The following CLPTM1L variants were observed in gnomAD, a reference collection of about 807,000 sequenced individuals.
CLPTM1L encodes CLPTM1 like.
Under a neutral mutation model 70.9 loss-of-function variants are expected in CLPTM1L, and 38 were observed. That is an observed-to-expected ratio of 0.54 (90% CI 0.41 to 0.70). The LOEUF is 0.70. CLPTM1L is among the 30% of genes least tolerant of loss of function. The pLI is 0.00. For synonymous variants in CLPTM1L, 339 were observed against 299.9 expected, an observed-to-expected ratio of 1.13 and a Z score of -1.35; for missense variants, 652 against 705.9, an observed-to-expected ratio of 0.92 and a Z score of 0.87.
intron 9 of CLPTM1L, chr5:1,326,104 A>C: frequency 2.7e-5 from 11 of 413,244 alleles, no homozygotes; most frequent in East Asian, 1.6e-4. Context: ...CTGCACCCAA[A>C]TAAGCCCCCA....
intron 11 of CLPTM1L, 25 bp from the exon 12 acceptor site, chr5:1,323,894 A>G: frequency 1.3e-6 from 2 of 1,571,756 alleles, no homozygotes; most frequent in South Asian, 1.1e-5. Context: ...GATGGCTTCC[A>G]GTTAGAGGCC....
At chr5:1,322,811 C>T (rs982088160) in intron 13 of CLPTM1L, 66 bp downstream of exon 13, 1 of 1,537,522 alleles carries the variant, frequency 6.5e-7, no homozygotes, top group Admixed American at 1.7e-5. Flanking sequence ...GGTTTCAATG[C>T]AAGAACAATT....
chr5:1,344,239 G>T, intron 2 of CLPTM1L, 112 bp downstream of exon 2: 1 of 759,018 alleles, frequency 1.3e-6, no homozygotes, highest in Non-Finnish European at 2.3e-6. Flanking sequence ...CAAGACATTC[G>T]GTAAGACTAG....
At chr5:1,343,916 G>A (rs1054496893) in intron 2 of CLPTM1L, among the ~76,000 whole-genome samples, 34 of 152,220 alleles carry the variant, frequency 2.2e-4, no homozygotes, top group African/African-American at 7.5e-4. Flanking sequence ...AACGTCACAT[G>A]TCACTTATTT....
Position 1,339,107 on chromosome 5 carries a change from G to A in CLPTM1L, c.454-102C>T, listed in dbSNP as rs534917673. 34 of 1,354,630 alleles carry A rather than the reference G, an allele frequency of 2.5e-5. No individual in the cohort carries two copies. In the Admixed American group the frequency reaches 4.2e-4, roughly 17 times the overall value. 83.9% of individuals were successfully genotyped at this position (1,354,630 alleles called of 1,614,324 possible). The stretch of plus-strand genomic sequence containing the variant: ...TGCGAACAGAACGGCCACACAGACA[G>A]GCAAACTGTGCCCGGGACAGCAGGG... On this transcript the variant is annotated intron_variant, in intron 3 of 16. Coordinates refer to ENST00000320895, the MANE Select transcript of CLPTM1L (RefSeq NM_030782.5).
rs1337377269 is a variant in CLPTM1L at position 1,325,738 on chromosome 5, A to C, written c.1146+13T>G. On this transcript the variant is annotated intron_variant, in intron 10 of 16. Transcript: ENST00000320895. The stretch of plus-strand genomic sequence containing the variant: ...GAGAGGCTTGGGGTTCAGCCATTAC[A>C]ACTAAATCCTACCTGAAATTCGGGC... The C allele has an allele frequency of 6.2e-7, 1 of 1,610,764 alleles. No individual in the cohort carries two copies. Among genetic ancestry groups the C allele is most frequent in the African/African-American group, 1.3e-5 (1 of 74,984 alleles).
At chr5:1,322,294 T>C (rs1329579695) in intron 13 of CLPTM1L, among the ~76,000 whole-genome samples, 2 of 152,128 alleles carry the variant, frequency 1.3e-5, no homozygotes, top group South Asian at 2.1e-4. Flanking sequence ...GCTGGTCTGG[T>C]GGGGCTGGGG....
rs749554212 is a variant in CLPTM1L at position 1,318,485 on chromosome 5, C to T, written c.1533-32G>A. ...TGACACAAATGAGCACATCAGCAAACCCCACTGCAGGGGCTATTTTTCTAA... is the reference window on the plus strand; with the variant it reads ...TGACACAAATGAGCACATCAGCAAATCCCACTGCAGGGGCTATTTTTCTAA... On this transcript the variant is annotated intron_variant, in intron 16 of 16. Transcript: ENST00000320895. This position sits in a 1 kb window ranked among gnomAD's most constrained non-coding sequence, Gnocchi z 8.9. 6.4e-7 allele frequency: 1 copy of T among 1,572,998 alleles called. No individual in the cohort carries two copies. The highest frequency in any genetic ancestry group is 1.1e-5 in the South Asian group (1 of 89,732).
intron 3 of CLPTM1L, among the ~76,000 whole-genome samples, chr5:1,339,435 T>C (rs1753802853): frequency 8.2e-6 from 1 of 122,554 alleles, no homozygotes; most frequent in African/African-American, 3.3e-5. Flanking sequence ...ACGGGCAAAC[T>C]GTGCCCGGGA....
intron 3 of CLPTM1L, among the ~76,000 whole-genome samples, chr5:1,340,363 A>T (rs115628936): frequency 1.7e-4 from 26 of 152,216 alleles, no homozygotes; most frequent in Admixed American, 1.7e-3. Context: ...ACATGAAGTT[A>T]AACAGGACAT....
chr5:1,332,887 C>A (rs1753196539), intron 7 of CLPTM1L, among the ~76,000 whole-genome samples: 1 of 152,172 alleles, frequency 6.6e-6, no homozygotes, highest in Non-Finnish European at 1.5e-5. Context: ...TTGAACACAC[C>A]CCCTGAGGAT....
In CLPTM1L at chr5:1,321,650, C is replaced by G. The variant is rs1458749391; in HGVS notation, c.1401G>C (p.Lys467Asn). The change falls in exon 15 of 17, where the codon AAG becomes AAC. Residue 467 changes from lysine to asparagine, a missense_variant. Physicochemically the swap from Lys to Asn is moderately conservative, Grantham distance 94. Around this residue, in one of 3 missense-constraint regions of CLPTM1L, gnomAD observed 240 missense variants for 295.0 expected, o/e 0.81. Coordinates refer to ENST00000320895, the MANE Select transcript of CLPTM1L (RefSeq NM_030782.5). ...KLKSVAHLPW[K>N]AFTYKAFNTF... ...TCACACTCACCTTGTAGGTGAAGGC[C>G]TTCCAGGGCAGATGTGCCACTGACT... 1 of 1,613,830 alleles carries G rather than the reference C, an allele frequency of 6.2e-7. No individual in the cohort carries two copies. Among genetic ancestry groups the G allele is most frequent in the Non-Finnish European group, 8.5e-7 (1 of 1,180,034 alleles).
In CLPTM1L at chr5:1,318,375, C is replaced by G. The variant is rs372391081; in HGVS notation, c.1611G>C (p.Thr537=). ...GCGGCAGCCCGGGCGGCCTTCAGTCCGTGTGGGGCGCCCGCGTGGCCTTCT... is the reference window on the plus strand; with the variant it reads ...GCGGCAGCCCGGGCGGCCTTCAGTCGGTGTGGGGCGCCCGCGTGGCCTTCT... The part of the protein sequence containing the change: ...YEEKATRAPH[T]D The change falls in exon 17 of 17, where the codon ACG becomes ACC. Residue 537 remains threonine (T), a synonymous_variant. Coordinates refer to ENST00000320895, the MANE Select transcript of CLPTM1L (RefSeq NM_030782.5). This position sits in a 1 kb window ranked among gnomAD's most constrained non-coding sequence, Gnocchi z 8.9. 1.9e-6 allele frequency: 3 copies of G among 1,613,366 alleles called. No individual in the cohort carries two copies. Among genetic ancestry groups the G allele is most frequent in the Non-Finnish European group, 2.5e-6 (3 of 1,179,728 alleles).
Position 1,320,714 on chromosome 5 carries a change from A to G in CLPTM1L, c.1434T>C (p.Ile478=), listed in dbSNP as rs150350858. ...TGATGATGAAGGCAAAGACGTCATCAATGAAGGTGTTGAAAGCCTGCAGGG... is the reference window on the plus strand; with the variant it reads ...TGATGATGAAGGCAAAGACGTCATCGATGAAGGTGTTGAAAGCCTGCAGGG... The part of the protein sequence containing the change: ...AFTYKAFNTF[I]DDVFAFIITM... The change falls in exon 16 of 17, where the codon ATT becomes ATC. Residue 478 remains isoleucine, a synonymous_variant. Coordinates refer to ENST00000320895, the MANE Select transcript of CLPTM1L (RefSeq NM_030782.5). 35 of 1,545,314 alleles carry G rather than the reference A, an allele frequency of 2.3e-5. No homozygotes were observed. The African/African-American group carries it at 4.2e-4, about 19-fold the overall frequency.
At position 1,342,827 on chromosome 5, in the gene CLPTM1L, G is replaced by A. The variant is rs973837000; in HGVS notation, c.264-967C>T. ...TGGTCTTGAACTGCTGGGCTCAAGT[G>A]ATCCTCCCGCCTTGGCCTCCCAAAC... On this transcript the variant is annotated intron_variant, in intron 2 of 16. Coordinates refer to ENST00000320895, the MANE Select transcript of CLPTM1L (RefSeq NM_030782.5). This position sits in a 1 kb window ranked among gnomAD's most constrained non-coding sequence, Gnocchi z 4.3. Among the ~76,000 whole-genome samples the A allele has an allele frequency of 5.9e-5, 9 of 152,228 alleles. No individual in the cohort carries two copies. Among genetic ancestry groups the A allele is most frequent in the Non-Finnish European group, 2.9e-5 (2 of 68,030 alleles).
At chr5:1,343,328 G>A (rs1754066586) in intron 2 of CLPTM1L, among the ~76,000 whole-genome samples, 2 of 152,218 alleles carry the variant, frequency 1.3e-5, no homozygotes, top group Admixed American at 6.5e-5. Context: ...GCAGGGCTGT[G>A]TATTTCTGGT....
Position 1,342,332 on chromosome 5 carries a change from T to G in CLPTM1L, c.264-472A>C, listed in dbSNP as rs1040197201. On this transcript the variant is annotated intron_variant, in intron 2 of 16. Transcript: ENST00000320895. The surrounding 1 kb of genome is among the most constrained non-coding windows in gnomAD (Gnocchi z 4.3). The stretch of plus-strand genomic sequence containing the variant: ...CTACTGGAACCTCAGAAATTTAATG[T>G]GGGTAGTTTTTTTGGGTGTTGTAGT... Among the ~76,000 whole-genome samples, 5 of 152,230 alleles carry G rather than the reference T, an allele frequency of 3.3e-5. No homozygotes were observed. The highest frequency in any genetic ancestry group is 1.2e-4 in the African/African-American group (5 of 41,532).
chr5:1,335,191 C>T lies in CLPTM1L; in HGVS notation c.679-17G>A. On this transcript the variant is annotated splice_polypyrimidine_tract_variant and intron_variant, in intron 5 of 16. Transcript: ENST00000320895. ...GTTTATGACCTGATGAAGAAAGCCA[C>T]ACTGAGGGCCCTGCCCTCATACCCT... 6.3e-7 allele frequency: 1 copy of T among 1,599,968 alleles called. No individual in the cohort carries two copies. Among genetic ancestry groups the T allele is most frequent in the Non-Finnish European group, 8.6e-7 (1 of 1,168,016 alleles).
chr5:1,339,110 A>T, intron 3 of CLPTM1L, 105 bp from the exon 4 acceptor site: 2 of 1,348,956 alleles, frequency 1.5e-6, no homozygotes, highest in Non-Finnish European at 2.0e-6. Flanking sequence ...ACAGACAGGC[A>T]AACTGTGCCC....
Sources: allele counts gnomAD v4.1 joint callset (sites outside exome capture counted in the v4.1 genomes callset), GRCh38; gene constraint gnomAD v4.1.1; regional missense constraint gnomAD v4.1.1; non-coding constraint Gnocchi (gnomAD v3.1); transcripts MANE v1.5; gene names NCBI Gene and HGNC (gene_info 2026-07-23, HGNC 2026-07-21).